The following PRELID2 variants were observed in gnomAD, a reference collection of about 807,000 sequenced individuals.
PRELID2 encodes PRELI domain containing 2.
In PRELID2, 25 loss-of-function variants were observed where a neutral mutation model predicts 28.4. That is an observed-to-expected ratio of 0.88 (90% CI 0.64 to 1.23). The LOEUF (loss-of-function observed/expected upper bound fraction) is 1.23. Among genes scored for constraint, PRELID2 ranks in the 50% most tolerant of loss-of-function variants. The probability of loss-of-function intolerance (pLI) is 0.00; values close to 1 mark genes in which losing one functional copy is unlikely to be tolerated. For synonymous variants in PRELID2, 76 were observed against 71.6 expected, an observed-to-expected ratio of 1.06 and a Z score of -0.31; for missense variants, 201 against 214.4, an observed-to-expected ratio of 0.94 and a Z score of 0.39.
chr5:145,627,619 C>G (rs1753870917), intron 1 of PRELID2, among the ~76,000 whole-genome samples: 1 of 152,122 alleles, frequency 6.6e-6, no homozygotes, highest in Admixed American at 6.5e-5. Flanking sequence ...CCTGATCTCC[C>G]TACATCAACC....
intron 5 of PRELID2, among the ~76,000 whole-genome samples, chr5:145,781,309 C>T (rs1026111005): frequency 5.9e-5 from 9 of 152,242 alleles, no homozygotes; most frequent in African/African-American, 1.9e-4. Flanking sequence ...GTAGATGCAT[C>T]CTTAAATGAA....
chr5:145,392,557 A>T, the PRELID2 span, among the ~76,000 whole-genome samples: 1 of 152,186 alleles, frequency 6.6e-6, no homozygotes, highest in Admixed American at 6.5e-5. Context: ...ATTTAAGTAA[A>T]TAATATAACA....
At chr5:145,673,430 T>C (rs1026333910) in intron 1 of PRELID2, among the ~76,000 whole-genome samples, 2 of 151,744 alleles carry the variant, frequency 1.3e-5, no homozygotes, top group African/African-American at 4.8e-5. Flanking sequence ...GGGTAACCAT[T>C]AGACAGAGCA....
the PRELID2 span, among the ~76,000 whole-genome samples, chr5:145,426,539 G>A: frequency 6.6e-6 from 1 of 152,140 alleles, no homozygotes; most frequent in South Asian, 2.1e-4. Context: ...ATAATATAAA[G>A]GGGATATTCT....
chr5:145,473,103 C>T (rs530893973), intron 2 of PRELID2: 2 of 152,066 alleles, frequency 1.3e-5, no homozygotes, highest in Non-Finnish European at 2.9e-5. Flanking sequence ...ATAACATGGA[C>T]TTGGTATTCA....
At chr5:145,259,743 G>A in the PRELID2 span, among the ~76,000 whole-genome samples, 9 of 152,218 alleles carry the variant, frequency 5.9e-5, no homozygotes, top group African/African-American at 1.2e-4. Flanking sequence ...TGAGACTCTC[G>A]ACTTCAGACT....
chr5:145,355,084 G>C, the PRELID2 span, among the ~76,000 whole-genome samples: 1 of 152,056 alleles, frequency 6.6e-6, no homozygotes, highest in Non-Finnish European at 1.5e-5. Context: ...ATAATAACTG[G>C]TAACATTTTA....
At chr5:145,541,453 G>T (rs995980237) in intron 1 of PRELID2, among the ~76,000 whole-genome samples, 3 of 151,950 alleles carry the variant, frequency 2.0e-5, no homozygotes, top group African/African-American at 7.2e-5. Context: ...TAGTAGAGCT[G>T]GGATTTAAAC....
intron 1 of PRELID2, among the ~76,000 whole-genome samples, chr5:145,667,585 G>A (rs1469768140): frequency 1.3e-5 from 2 of 152,036 alleles, no homozygotes; most frequent in African/African-American, 4.8e-5. Context: ...TGATACTGTA[G>A]TTCATGCTTT....
chr5:145,606,735 TTGTG>T (rs1319312536), intron 1 of PRELID2, among the ~76,000 whole-genome samples: 1 of 152,120 alleles, frequency 6.6e-6, no homozygotes, highest in African/African-American at 2.4e-5. Context: ...TCTTTATTTA[TTGTG>T]TATCGGCCAG....
chr5:145,702,386 T>C (rs1357051057), intron 1 of PRELID2, among the ~76,000 whole-genome samples: 10 of 152,172 alleles, frequency 6.6e-5, no homozygotes, highest in Non-Finnish European at 1.5e-5. Context: ...AAAGGAACTA[T>C]AGTAGATGGG....
chr5:145,791,845 A>G (rs1752415992), intron 5 of PRELID2, among the ~76,000 whole-genome samples: 1 of 152,224 alleles, frequency 6.6e-6, no homozygotes, highest in Admixed American at 6.5e-5. Context: ...AGCAGAAAAG[A>G]GGATACGTCA....
intron 5 of PRELID2, among the ~76,000 whole-genome samples, chr5:145,781,806 C>T (rs970246610): frequency 2.7e-5 from 4 of 148,588 alleles, no homozygotes; most frequent in African/African-American, 9.8e-5. Flanking sequence ...CATACAAATA[C>T]ACAATTTGTT....
chr5:145,573,199 C>T (rs2149619254), intron 1 of PRELID2, among the ~76,000 whole-genome samples: 1 of 152,256 alleles, frequency 6.6e-6, no homozygotes, highest in Admixed American at 6.5e-5. Flanking sequence ...TATGCAATCT[C>T]TCCACCACCG....
intron 1 of PRELID2, among the ~76,000 whole-genome samples, chr5:145,499,777 A>G (rs1036944298): frequency 6.6e-6 from 1 of 152,220 alleles, no homozygotes; most frequent in African/African-American, 2.4e-5. Flanking sequence ...CCCGAAATGA[A>G]AGGACAGCAG....
At chr5:145,452,123 G>A in the PRELID2 span, among the ~76,000 whole-genome samples, 1 of 152,088 alleles carries the variant, frequency 6.6e-6, no homozygotes, top group African/African-American at 2.4e-5. Context: ...ATCCTTCTAT[G>A]TGGTCTCCTG....
intron 1 of PRELID2, among the ~76,000 whole-genome samples, chr5:145,708,430 T>G (rs1432752): frequency 0.022 from 3,407 of 152,320 alleles, 118 homozygotes; most frequent in African/African-American, 0.077. Context: ...AGATTATTTC[T>G]AAGGTCCCTT....
At chr5:145,284,757 G>T in the PRELID2 span, among the ~76,000 whole-genome samples, 1 of 151,986 alleles carries the variant, frequency 6.6e-6, no homozygotes, top group Non-Finnish European at 1.5e-5. Flanking sequence ...TATGAAAGTG[G>T]CTGGTTTGGA....
intron 1 of PRELID2, among the ~76,000 whole-genome samples, chr5:145,568,297 C>G (rs1309776564): frequency 6.6e-6 from 1 of 152,196 alleles, no homozygotes; most frequent in African/African-American, 2.4e-5. Flanking sequence ...CCAATCTCCC[C>G]CGGCAGATGT....
Sources: allele counts gnomAD v4.1 joint callset (sites outside exome capture counted in the v4.1 genomes callset), GRCh38; gene constraint gnomAD v4.1.1; transcripts MANE v1.5; gene names NCBI Gene and HGNC (gene_info 2026-07-23, HGNC 2026-07-21).